Variants in NPAS3 observed in about 807,000 individuals in gnomAD.
NPAS3 encodes the protein neuronal PAS domain-containing protein 3.
NPAS3 carries 14 observed loss-of-function variants against 73.1 expected under a neutral mutation model. The ratio of observed to expected loss-of-function variants is 0.19; its 90% CI spans 0.13 to 0.30. The LOEUF (loss-of-function observed/expected upper bound fraction) is 0.30, where lower values mean the gene tolerates loss of function less well. Among genes scored for constraint, NPAS3 ranks in the 10% least tolerant of loss-of-function variants. NPAS3 has a pLI of 1.00. For missense variants in NPAS3, 1,096 were observed against 1,250.0 expected, an observed-to-expected ratio of 0.88 and a Z score of 1.86; for synonymous variants, 620 against 541.5, an observed-to-expected ratio of 1.14 and a Z score of -2.01.
chr14:33,147,404 A>G (rs1173612534), intron 2 of NPAS3, among the ~76,000 whole-genome samples: 1 of 152,190 alleles, frequency 6.6e-6, no homozygotes, highest in Admixed American at 6.5e-5. Flanking sequence ...AATTCTCTGA[A>G]AGGAAAATAA....
chr14:33,275,658 C>T (rs2041296265), intron 3 of NPAS3, among the ~76,000 whole-genome samples: 1 of 152,158 alleles, frequency 6.6e-6, no homozygotes, highest in African/African-American at 2.4e-5. Context: ...TTTAAAGGAC[C>T]TGTCTACTCA....
intron 3 of NPAS3, among the ~76,000 whole-genome samples, chr14:33,244,878 T>C (rs894080401): frequency 1.2e-4 from 19 of 152,252 alleles, no homozygotes; most frequent in African/African-American, 4.3e-4. Context: ...GTCTTTGCAC[T>C]TGATTTTGGG....
At chr14:33,475,783 C>T (rs1023979665) in intron 4 of NPAS3, among the ~76,000 whole-genome samples, 1 of 152,066 alleles carries the variant, frequency 6.6e-6, no homozygotes, top group African/African-American at 2.4e-5. Flanking sequence ...GGAGAGAAAA[C>T]AATGCACCTC....
chr14:33,073,000 A>G (rs1347798114), intron 2 of NPAS3, among the ~76,000 whole-genome samples: 1 of 152,198 alleles, frequency 6.6e-6, no homozygotes. Context: ...TTTGTACCCT[A>G]ACAGAAAATA....
chr14:33,047,314 A>G (rs1236992918), intron 1 of NPAS3, among the ~76,000 whole-genome samples: 1 of 152,200 alleles, frequency 6.6e-6, no homozygotes, highest in Non-Finnish European at 1.5e-5. Context: ...TAGGAAGAAG[A>G]TAATTAATAT....
chr14:33,404,141 G>A (rs1386296885), intron 4 of NPAS3, among the ~76,000 whole-genome samples: 1 of 152,126 alleles, frequency 6.6e-6, no homozygotes, highest in Non-Finnish European at 1.5e-5. Context: ...TGGAAGGACT[G>A]GAAATTGCTG....
intron 5 of NPAS3, among the ~76,000 whole-genome samples, chr14:33,605,730 A>G (rs2057538379): frequency 6.6e-6 from 1 of 152,196 alleles, no homozygotes; most frequent in African/African-American, 2.4e-5. Context: ...GCCTAAATAA[A>G]TGGAGAGATA....
chr14:33,423,956 T>G (rs2139062384), intron 4 of NPAS3, among the ~76,000 whole-genome samples: 1 of 152,140 alleles, frequency 6.6e-6, no homozygotes, highest in Middle Eastern at 3.4e-3. Flanking sequence ...AGATATTGAT[T>G]GAATATCTAT....
intron 1 of NPAS3, among the ~76,000 whole-genome samples, chr14:33,025,564 T>A (rs1194689777): frequency 6.6e-6 from 1 of 152,186 alleles, no homozygotes; most frequent in African/African-American, 2.4e-5. Flanking sequence ...GGTTTGGCTC[T>A]GTGTCCCCAC....
At chr14:33,335,265 C>A (rs912286888) in intron 3 of NPAS3, among the ~76,000 whole-genome samples, 1 of 152,024 alleles carries the variant, frequency 6.6e-6, no homozygotes, top group African/African-American at 2.4e-5. Context: ...ACCATTTGAT[C>A]CAGGCAGTTT....
At chr14:33,799,893 A>G in exon 12 of NPAS3, 2 of 1,614,198 alleles carry the variant, frequency 1.2e-6, no homozygotes, top group Non-Finnish European at 8.5e-7. Context: ...CGCGACAGCG[A>G]CGACAGCTTC....
At chr14:32,974,683 G>T (rs1463606760) in intron 1 of NPAS3, among the ~76,000 whole-genome samples, 3 of 152,222 alleles carry the variant, frequency 2.0e-5, no homozygotes, top group African/African-American at 7.2e-5. Flanking sequence ...GCTCTATCAT[G>T]TCTGCTCTCA....
intron 3 of NPAS3, among the ~76,000 whole-genome samples, chr14:33,363,457 C>T (rs544712709): frequency 1.2e-4 from 18 of 152,274 alleles, no homozygotes; most frequent in Non-Finnish European, 2.5e-4. Context: ...AGTGATTCAT[C>T]GGATCATTTT....
intron 3 of NPAS3, among the ~76,000 whole-genome samples, chr14:33,326,118 G>A (rs1327394409): frequency 7.2e-5 from 11 of 152,138 alleles, no homozygotes. Context: ...AATTTAAGGT[G>A]ATGGTGTGTA....
At chr14:33,506,103 C>G (rs961362324) in intron 4 of NPAS3, among the ~76,000 whole-genome samples, 1 of 152,010 alleles carries the variant, frequency 6.6e-6, no homozygotes, top group African/African-American at 2.4e-5. Context: ...CTCCTCCTTA[C>G]CCCGCTTTAT....
chr14:33,266,860 T>C lies in NPAS3; in HGVS notation c.385+51434T>C, dbSNP rs79229340. On this transcript the variant is annotated intron_variant, in intron 3 of 11. Coordinates refer to ENST00000356141, the Ensembl canonical transcript of NPAS3. ...TCCTGGGTATTGTCAACAGCTCTTA[T>C]TGATCAGCTTTAGAGATAAATATCA... is the stretch of plus-strand genomic sequence containing the variant. Among the ~76,000 whole-genome samples the C allele has an allele frequency of 8.5e-5, 13 of 152,326 alleles. No homozygotes were observed. In the East Asian group the frequency reaches 2.3e-3, roughly 27 times the overall value.
chr14:33,046,715 C>T (rs2040521199), intron 1 of NPAS3, among the ~76,000 whole-genome samples: 1 of 152,188 alleles, frequency 6.6e-6, no homozygotes. Context: ...GTGGCTCACG[C>T]CTGTAATACC....
At chr14:33,765,031 A>G (rs886125610) in intron 7 of NPAS3, among the ~76,000 whole-genome samples, 2 of 152,200 alleles carry the variant, frequency 1.3e-5, no homozygotes, top group Non-Finnish European at 2.9e-5. Context: ...CCCAATAAAA[A>G]ATCTTATCTT....
intron 4 of NPAS3, among the ~76,000 whole-genome samples, chr14:33,510,116 G>T (rs193296849): frequency 6.6e-6 from 1 of 152,056 alleles, no homozygotes; most frequent in East Asian, 1.9e-4. Flanking sequence ...TTTCCAGTGC[G>T]AGCTGGAGCA....
Sources: allele counts gnomAD v4.1 joint callset (sites outside exome capture counted in the v4.1 genomes callset), GRCh38; gene constraint gnomAD v4.1.1; transcripts MANE v1.5; gene names NCBI Gene and HGNC (gene_info 2026-07-23, HGNC 2026-07-21).